Variants in OPCML observed in about 807,000 individuals in gnomAD.
OPCML encodes opioid binding protein/cell adhesion molecule like, also known as opioid-binding protein/cell adhesion molecule.
A neutral mutation model predicts 37.8 loss-of-function variants in OPCML; 13 were observed. The ratio of observed to expected loss-of-function variants is 0.34; its 90% CI spans 0.22 to 0.55. The LOEUF (loss-of-function observed/expected upper bound fraction) is 0.55, where lower values mean the gene tolerates loss of function less well. Among genes scored for constraint, OPCML ranks in the 20% least tolerant of loss-of-function variants. The pLI, the probability that OPCML is intolerant of heterozygous loss-of-function variation, is 0.91. For synonymous variants in OPCML, 176 were observed against 168.8 expected, an observed-to-expected ratio of 1.04 and a Z score of -0.33; for missense variants, 341 against 435.6, an observed-to-expected ratio of 0.78 and a Z score of 1.93.
At chr11:132,491,115 G>C (rs1565608754) in intron 4 of OPCML, among the ~76,000 whole-genome samples, 1 of 152,162 alleles carries the variant, frequency 6.6e-6, no homozygotes, top group Non-Finnish European at 1.5e-5. Context: ...CCATGATGTT[G>C]AGGCCCGCAC....
chr11:133,022,334 T>A (rs1301070058), intron 1 of OPCML, among the ~76,000 whole-genome samples: 3 of 152,154 alleles, frequency 2.0e-5, no homozygotes, highest in Admixed American at 2.0e-4. Context: ...TTCTTCTGTT[T>A]TTTATTTTAC....
intron 4 of OPCML, among the ~76,000 whole-genome samples, chr11:132,490,797 C>A (rs954484323): frequency 2.1e-5 from 3 of 145,864 alleles, no homozygotes; most frequent in East Asian, 4.0e-4. Context: ...GGTGACAGAG[C>A]GAGACTCTAT....
At chr11:132,520,402 C>A (rs1443743733) in intron 4 of OPCML, among the ~76,000 whole-genome samples, 1 of 152,136 alleles carries the variant, frequency 6.6e-6, no homozygotes, top group Non-Finnish European at 1.5e-5. Context: ...ACAAATTATT[C>A]TTTCTCTGAC....
intron 1 of OPCML, among the ~76,000 whole-genome samples, chr11:133,526,017 C>G (rs1235614818): frequency 6.6e-6 from 1 of 152,220 alleles, no homozygotes; most frequent in African/African-American, 2.4e-5. Flanking sequence ...ATTTTGTAAA[C>G]TTTTAATTAA....
intron 2 of OPCML, among the ~76,000 whole-genome samples, chr11:132,916,759 GC>G (rs1355727431): frequency 4.6e-5 from 7 of 152,126 alleles, no homozygotes. Context: ...GTTCGAGTGA[GC>G]AAAGTAGAAA....
intron 3 of OPCML, among the ~76,000 whole-genome samples, chr11:132,616,742 A>G (rs1359611667): frequency 1.3e-5 from 2 of 152,206 alleles, no homozygotes; most frequent in East Asian, 3.9e-4. Flanking sequence ...GTTGAGCACC[A>G]TCTCTGAATT....
chr11:132,554,542 G>T (rs1049027523), intron 3 of OPCML, among the ~76,000 whole-genome samples: 1 of 152,214 alleles, frequency 6.6e-6, no homozygotes, highest in African/African-American at 2.4e-5. Context: ...CACAAAACAA[G>T]TTGGCCTGGA....
At chr11:132,942,279 T>C (rs1466421116) in intron 2 of OPCML, among the ~76,000 whole-genome samples, 1 of 152,080 alleles carries the variant, frequency 6.6e-6, no homozygotes, top group African/African-American at 2.4e-5. Context: ...AACAAAAAGC[T>C]CTCCTATTGT....
intron 2 of OPCML, among the ~76,000 whole-genome samples, chr11:132,920,509 C>T (rs1031546070): frequency 5.3e-5 from 8 of 152,152 alleles, no homozygotes; most frequent in African/African-American, 1.7e-4. Flanking sequence ...TGTCTTGGAT[C>T]GCAGCCCCCC....
chr11:132,994,167 C>T (rs1483274496), intron 1 of OPCML, among the ~76,000 whole-genome samples: 1 of 152,180 alleles, frequency 6.6e-6, no homozygotes, highest in African/African-American at 2.4e-5. Flanking sequence ...ATTGTTAGTC[C>T]GAATGTAAAT....
intron 2 of OPCML, among the ~76,000 whole-genome samples, chr11:132,852,459 T>C (rs55665647): frequency 0.07 from 10,637 of 152,164 alleles, 706 homozygotes; most frequent in African/African-American, 0.17. Context: ...CCTAAGACAT[T>C]ATTTCCCTTT....
chr11:133,517,015 G>A (rs936538408), intron 1 of OPCML, among the ~76,000 whole-genome samples: 1 of 152,140 alleles, frequency 6.6e-6, no homozygotes, highest in African/African-American at 2.4e-5. Flanking sequence ...ATCCCCACGC[G>A]AAGTCCCAGA....
intron 4 of OPCML, among the ~76,000 whole-genome samples, chr11:132,441,165 GTTTTTTT>G (rs68143578): frequency 8.3e-5 from 6 of 72,402 alleles, no homozygotes; most frequent in Middle Eastern, 6.8e-3. Context: ...GGACTTTTTT[GTTTTTTT>G]TTTTTTTTTT....
intron 1 of OPCML, among the ~76,000 whole-genome samples, chr11:133,390,134 C>G (rs906374128): frequency 6.6e-6 from 1 of 152,180 alleles, no homozygotes; most frequent in African/African-American, 2.4e-5. Flanking sequence ...TAATTTATGA[C>G]TGGAACATCT....
chr11:132,516,552 C>A (rs1056325073), intron 4 of OPCML, among the ~76,000 whole-genome samples: 1 of 152,184 alleles, frequency 6.6e-6, no homozygotes, highest in Non-Finnish European at 1.5e-5. Flanking sequence ...AGGTACCATA[C>A]CTGCTCTCAA....
chr11:132,657,027 C>T (rs1313004339), intron 3 of OPCML, 60 bp downstream of exon 3: 27 of 1,583,240 alleles, frequency 1.7e-5, no homozygotes, highest in Admixed American at 6.8e-5. Context: ...CAAACACCAA[C>T]ACTGTTCTTC....
At chr11:132,741,460 C>T (rs1236168154) in intron 2 of OPCML, among the ~76,000 whole-genome samples, 2 of 152,016 alleles carry the variant, frequency 1.3e-5, no homozygotes, top group African/African-American at 4.8e-5. Context: ...TGCTCGTGTC[C>T]ATCAAGTGGC....
intron 3 of OPCML, among the ~76,000 whole-genome samples, chr11:132,546,953 G>A (rs529072371): frequency 2.8e-4 from 42 of 152,312 alleles, no homozygotes; most frequent in Admixed American, 2.5e-3. Context: ...GCTGTAGACA[G>A]AGAACAATCA....
At chr11:133,161,142 CTG>C (rs1364118000) in intron 1 of OPCML, among the ~76,000 whole-genome samples, 1 of 152,184 alleles carries the variant, frequency 6.6e-6, no homozygotes, top group Non-Finnish European at 1.5e-5. Context: ...ACACCTTTGA[CTG>C]TGTTTTATTG....
Sources: gnomAD v4.1 joint callset for allele counts (sites outside exome capture counted in the v4.1 genomes callset) on GRCh38, gnomAD v4.1.1 for gene constraint, MANE v1.5 for transcripts, NCBI Gene and HGNC (gene_info 2026-07-23, HGNC 2026-07-21) for gene names.